Variants in DACT3 observed in about 807,000 individuals in gnomAD.
DACT3 encodes the protein dapper homolog 3.
In DACT3, 5 loss-of-function variants were observed where a neutral mutation model predicts 19.6. The observed-to-expected ratio is 0.26, with a 90% CI of 0.13 to 0.54. DACT3 has a LOEUF of 0.54. Among genes scored for constraint, DACT3 ranks in the 20% least tolerant of loss-of-function variants. The probability of loss-of-function intolerance (pLI) is 0.95; values close to 1 mark genes in which losing one functional copy is unlikely to be tolerated. For missense variants in DACT3, 908 were observed against 927.4 expected (o/e 0.98, Z 0.27); for synonymous variants, 454 against 428.1 (o/e 1.06, Z -0.75).
In DACT3 at chr19:46,649,078, C is replaced by A. The variant is rs1393415697; in HGVS notation, c.1294G>T (p.Gly432Cys). The change falls in exon 4 of 4, where the codon GGC becomes TGC. Residue 432 changes from glycine to cysteine, a missense_variant. Transcript: ENST00000391916. ...CCCGAAGGGACCGCGGAGGCGCGGC[C>A]CAGCAGGCTGGTCTCAGACTGGGAG... ...SRSQSETSLL[G>C]RASAVPSGPP... The A allele has an allele frequency of 4.6e-6, 6 of 1,293,908 alleles. No homozygotes were observed. In the Admixed American group the frequency reaches 1.7e-4, roughly 36 times the overall value. 80.2% of individuals were successfully genotyped at this position (1,293,908 alleles called of 1,614,324 possible).
At chr19:46,650,421 C>CT (rs1197078537) in intron 3 of DACT3, 2,634 of 145,750 alleles carry the variant, frequency 0.018, 79 homozygotes, top group African/African-American at 0.063. Flanking sequence ...TGCGCCTGGC[C>CT]TTTTTTTTTT....
chr19:46,653,845 C>A (rs943530647), intron 1 of DACT3, among the ~76,000 whole-genome samples: 1 of 152,302 alleles, frequency 6.6e-6, no homozygotes, highest in East Asian at 1.9e-4. Context: ...TGAGCCACTG[C>A]GCCCAGCCTC....
intron 1 of DACT3, chr19:46,659,417 A>G (rs2053057492): frequency 1.0e-6 from 1 of 979,386 alleles, no homozygotes; most frequent in South Asian, 4.7e-5. Flanking sequence ...ACCCACAGCT[A>G]CCCCAACCTC....
rs2053069100 is a variant in DACT3, at chr19:46,660,741, C to T, written c.249+75G>A. The T allele has an allele frequency of 1.4e-6, 2 of 1,401,192 alleles. No individual in the cohort carries two copies. Among genetic ancestry groups the T allele is most frequent in the South Asian group, 3.1e-5 (2 of 65,294 alleles). The allele number at this position is 1,401,192 out of a possible 1,614,324, so 86.8% of individuals were successfully genotyped here. ...CCTACCCGGGTCCCCAACCCCCGCC[C>T]GGTGTCTGAGCATCCAACCGAGACA... is the stretch of plus-strand genomic sequence containing the variant. On this transcript the variant is annotated intron_variant, in intron 1 of 3. Coordinates refer to ENST00000391916, the MANE Select transcript of DACT3 (RefSeq NM_145056.3). This position sits in a 1 kb window ranked among gnomAD's most constrained non-coding sequence, Gnocchi z 4.9.
Position 46,648,972 on chromosome 19 carries a change from G to A in DACT3, c.1400C>T (p.Ala467Val). The A allele has an allele frequency of 1.5e-6, 2 of 1,292,528 alleles. No homozygotes were observed. Among genetic ancestry groups the A allele is most frequent in the Non-Finnish European group, 2.0e-6 (2 of 1,023,046 alleles). The allele number at this position is 1,292,528 out of a possible 1,614,324, so 80.1% of individuals were successfully genotyped here. ...PRRGPAPTLA[A>V]QAAGSCRRWR... ...GCGACGGCAGGACCCTGCGGCCTGGGCCGCCAGCGTGGGCGCTGGGCCGCG... is the reference window on the plus strand; with the variant it reads ...GCGACGGCAGGACCCTGCGGCCTGGACCGCCAGCGTGGGCGCTGGGCCGCG... The change falls in exon 4 of 4, where the codon GCC becomes GTC. Residue 467 changes from alanine (A) to valine (V), a missense_variant. Physicochemically the swap from Ala to Val is moderately conservative, Grantham distance 64. Around this residue, in one of 2 missense-constraint regions of DACT3, gnomAD observed 656 missense variants for 601.8 expected, o/e 1.09. Coordinates refer to ENST00000391916, the MANE Select transcript of DACT3 (RefSeq NM_145056.3). The surrounding 1 kb of genome is among the most constrained non-coding windows in gnomAD (Gnocchi z 5.1).
chr19:46,654,803 G>C (rs996600648), intron 1 of DACT3: 1 of 985,436 alleles, frequency 1.0e-6, no homozygotes, highest in South Asian at 4.7e-5. Context: ...AAGACTGGCC[G>C]GCTCCCCGGC....
At chr19:46,650,787 CAG>C (rs1196634840) in intron 3 of DACT3, 1 of 152,178 alleles carries the variant, frequency 6.6e-6, no homozygotes, top group African/African-American at 2.4e-5. Context: ...ATTCTGGCCT[CAG>C]AGCCTTTCTG....
chr19:46,652,863 C>T, intron 2 of DACT3, 51 bp from the exon 3 acceptor site: 2 of 1,540,630 alleles, frequency 1.3e-6, no homozygotes, highest in Non-Finnish European at 1.8e-6. Flanking sequence ...GGTGGGAAAA[C>T]CAGAGCTGGG....
Position 46,648,775 on chromosome 19 carries a change from C to G in DACT3, c.1597G>C (p.Gly533Arg). ...ACGCCTCCCGCAGGCCCCCGGCGTC[C>G]CAGGGGCCCCAGGCGCCCAGCCGAG... ...ECSAGRLGPLGRRGPAGGVGG... is the reference protein window; with the variant it reads ...ECSAGRLGPLRRRGPAGGVGG... Residue 533 changes from glycine (G) to arginine (R), a missense_variant, in exon 4 of 4, where the codon GGA (glycine) becomes CGA (arginine). Coordinates refer to ENST00000391916, the MANE Select transcript of DACT3 (RefSeq NM_145056.3). This position sits in a 1 kb window ranked among gnomAD's most constrained non-coding sequence, Gnocchi z 5.1. 1 of 1,550,946 alleles carries G rather than the reference C, an allele frequency of 6.4e-7. No homozygotes were observed. Among genetic ancestry groups the G allele is most frequent in the Non-Finnish European group, 8.7e-7 (1 of 1,155,474 alleles).
At chr19:46,650,086 T>A in intron 3 of DACT3, 2 of 299,128 alleles carry the variant, frequency 6.7e-6, no homozygotes, top group Non-Finnish European at 1.2e-5. Flanking sequence ...TTGTCCTGCC[T>A]CTGCCTCTGC....
chr19:46,652,389 T>G, intron 3 of DACT3: 1 of 470,060 alleles, frequency 2.1e-6, no homozygotes, highest in Non-Finnish European at 3.7e-6. Flanking sequence ...TTCACTATGT[T>G]GGCCAGGCTG....
intron 1 of DACT3, among the ~76,000 whole-genome samples, chr19:46,653,505 G>A (rs1266938946): frequency 6.7e-6 from 1 of 148,966 alleles, no homozygotes; most frequent in Non-Finnish European, 1.5e-5. Flanking sequence ...TTAGTCATAG[G>A]TCTGCCTTCT....
rs138926410 is a variant in DACT3, at chr19:46,647,651, A to AAC, written c.*829_*830dup. On this transcript the variant is annotated 3_prime_UTR_variant, in exon 4 of 4. Transcript: ENST00000391916. ...CATTTATTTACAAAGAGGTTAGAGAAACACACAGAATCTGGCCCCCCTTTG... is the reference window on the plus strand; with the variant it reads ...CATTTATTTACAAAGAGGTTAGAGAAACACACACAGAATCTGGCCCCCCTTTG... 67 of 152,756 alleles carry AAC rather than the reference A, an allele frequency of 4.4e-4. No individual in the cohort carries two copies. The highest frequency in any genetic ancestry group is 1.6e-3 in the African/African-American group (65 of 41,576). 9.5% of individuals were successfully genotyped at this position (152,756 alleles called of 1,614,324 possible).
At chr19:46,653,830 A>C (rs992237906) in intron 1 of DACT3, among the ~76,000 whole-genome samples, 1 of 152,248 alleles carries the variant, frequency 6.6e-6, no homozygotes, top group South Asian at 2.1e-4. Flanking sequence ...CCGGGATTAC[A>C]GGCATGAGCC....
Position 46,660,735 on chromosome 19 carries a change from C to T in DACT3, c.249+81G>A. 7.1e-7 allele frequency: 1 copy of T among 1,400,512 alleles called. No individual in the cohort carries two copies. The highest frequency in any genetic ancestry group is 9.2e-7 in the Non-Finnish European group (1 of 1,081,800). The allele number at this position is 1,400,512 out of a possible 1,614,324, so 86.8% of individuals were successfully genotyped here. A position where few individuals can be genotyped will look rare whatever the true frequency, so the allele number is the denominator to read the frequency against. ...TCCCTGCCTACCCGGGTCCCCAACC[C>T]CCGCCCGGTGTCTGAGCATCCAACC... On this transcript the variant is annotated intron_variant, in intron 1 of 3. Coordinates refer to ENST00000391916, the MANE Select transcript of DACT3 (RefSeq NM_145056.3). The surrounding 1 kb of genome is among the most constrained non-coding windows in gnomAD (Gnocchi z 4.9).
intron 1 of DACT3, among the ~76,000 whole-genome samples, chr19:46,655,925 C>CTCTCTCTCTCTCTCTATATATATA (rs980735397): frequency 2.2e-5 from 3 of 137,938 alleles, no homozygotes; most frequent in African/African-American, 8.0e-5. Context: ...CTCTCTCTCT[C>CTCTCTCTCTCTCTCTATATATATA]TATATATATA....
chr19:46,650,127 A>ATTTTTTTTTT (rs58142251), intron 3 of DACT3: 3 of 96,098 alleles, frequency 3.1e-5, no homozygotes, highest in African/African-American at 4.4e-5. Flanking sequence ...CTTACCCCCT[A>ATTTTTTTTTT]TTTTTTTTTT....
intron 1 of DACT3, among the ~76,000 whole-genome samples, chr19:46,655,742 C>T (rs375694909): frequency 6.6e-6 from 1 of 152,208 alleles, no homozygotes. Context: ...CACCCAGTGC[C>T]TAGAACAGTG....
rs1452920068 is a variant in DACT3 at position 46,649,527 on chromosome 19, T to G, written c.845A>C (p.Gln282Pro). Reference sequence around the variant, plus strand: ...GGGCGGCCGCTGGCGCACGCTGTTCTGGCGCCGCGGGCCGCCGTCCGCGCC... The same window carrying G: ...GGGCGGCCGCTGGCGCACGCTGTTCGGGCGCCGCGGGCCGCCGTCCGCGCC... ...PGGADGGPRRQNSVRQRPPDA... is the reference protein window; with the variant it reads ...PGGADGGPRRPNSVRQRPPDA... Residue 282 changes from glutamine (Q) to proline (P), a missense_variant, in exon 4 of 4, where the codon CAG becomes CCG. Coordinates refer to ENST00000391916, the MANE Select transcript of DACT3 (RefSeq NM_145056.3). The G allele has an allele frequency of 9.4e-7, 1 of 1,063,206 alleles. No individual in the cohort carries two copies. Among genetic ancestry groups the G allele is most frequent in the African/African-American group, 1.7e-5 (1 of 58,338 alleles). The allele number at this position is 1,063,206 out of a possible 1,614,324, so 65.9% of individuals were successfully genotyped here.
Sources: allele counts gnomAD v4.1 joint callset (sites outside exome capture counted in the v4.1 genomes callset), GRCh38; gene constraint gnomAD v4.1.1; regional missense constraint gnomAD v4.1.1; non-coding constraint Gnocchi (gnomAD v3.1); transcripts MANE v1.5; gene names NCBI Gene and HGNC (gene_info 2026-07-23, HGNC 2026-07-21).